Variants in RBFOX1 observed in about 807,000 individuals in gnomAD.
RBFOX1 encodes the protein RNA binding fox-1 homolog 1.
In RBFOX1, 8 loss-of-function variants were observed where a neutral mutation model predicts 57.7. The ratio of observed to expected loss-of-function variants is 0.14; its 90% confidence interval spans 0.08 to 0.25. The LOEUF is 0.25. Among genes scored for constraint, RBFOX1 ranks in the 10% least tolerant of loss-of-function variants. The pLI is 1.00. For synonymous variants in RBFOX1, 326 were observed against 222.4 expected (o/e 1.47, Z -4.15); for missense variants, 611 against 548.5 (o/e 1.11, Z -1.14).
intron 2 of RBFOX1, among the ~76,000 whole-genome samples, chr16:5,547,666 T>A (rs1231849082): frequency 6.6e-6 from 1 of 152,086 alleles, no homozygotes; most frequent in Non-Finnish European, 1.5e-5. Flanking sequence ...AACGGTGCCT[T>A]GAGTGAAGAA....
At chr16:6,614,234 A>C (rs2098112584) in intron 2 of RBFOX1, among the ~76,000 whole-genome samples, 2 of 152,162 alleles carry the variant, frequency 1.3e-5, no homozygotes, top group African/African-American at 4.8e-5. Context: ...GCCTGCTGCA[A>C]GTAAGGATGT....
At chr16:6,599,642 C>A (rs1374694434) in intron 2 of RBFOX1, among the ~76,000 whole-genome samples, 1 of 152,146 alleles carries the variant, frequency 6.6e-6, no homozygotes, top group African/African-American at 2.4e-5. Context: ...ACTAGTGACA[C>A]TAATACTATT....
intron 5 of RBFOX1, among the ~76,000 whole-genome samples, chr16:7,577,656 G>C (rs1195096380): frequency 6.6e-6 from 1 of 151,934 alleles, no homozygotes. Context: ...CCAGTGCTTT[G>C]GGAGGCAGAG....
chr16:7,088,405 G>C (rs895058245), intron 4 of RBFOX1, among the ~76,000 whole-genome samples: 9 of 152,078 alleles, frequency 5.9e-5, no homozygotes, highest in Non-Finnish European at 8.8e-5. Context: ...GGAGAGTAGC[G>C]TCTTTCATTT....
At chr16:6,998,121 G>A (rs1348364078) in intron 3 of RBFOX1, among the ~76,000 whole-genome samples, 1 of 151,964 alleles carries the variant, frequency 6.6e-6, no homozygotes, top group African/African-American at 2.4e-5. Flanking sequence ...AGCATATGTA[G>A]TATATAATTA....
intron 3 of RBFOX1, among the ~76,000 whole-genome samples, chr16:6,748,198 C>G (rs1195937299): frequency 6.6e-6 from 1 of 151,934 alleles, no homozygotes; most frequent in South Asian, 2.1e-4. Flanking sequence ...AATTGGATAT[C>G]CTTATGGGTT....
intron 3 of RBFOX1, among the ~76,000 whole-genome samples, chr16:6,976,684 A>G (rs936885261): frequency 2.0e-5 from 3 of 149,174 alleles, no homozygotes; most frequent in African/African-American, 4.9e-5. Context: ...CATATATATC[A>G]TACCTATAGC....
chr16:5,525,491 A>ATTTTTTT lies in RBFOX1; in HGVS notation c.258+58255_258+58261dup, dbSNP rs71404528. 1.2e-3 allele frequency among the ~76,000 whole-genome samples: 97 copies of ATTTTTTT among 78,270 alleles called. 3 individuals carry two copies. Among genetic ancestry groups the ATTTTTTT allele is most frequent in the African/African-American group, 3.0e-3 (56 of 18,372 alleles). The allele number at this position is 78,270 out of a possible 152,430, so 51.3% of individuals were successfully genotyped here. The stretch of plus-strand genomic sequence containing the variant: ...ATAGGCTGGCTCTAGAGCCGACACT[A>ATTTTTTT]TTTTTTTTTTTTTTTTTTTTTTTTG... On this transcript the variant is annotated intron_variant, in intron 2 of 2. Coordinates refer to the RBFOX1 transcript ENST00000585867.
At chr16:5,928,964 G>A (rs995131832) in intron 4 of RBFOX1, among the ~76,000 whole-genome samples, 2 of 151,688 alleles carry the variant, frequency 1.3e-5, no homozygotes, top group African/African-American at 4.8e-5. Flanking sequence ...TCAAAAGGAG[G>A]GGTTGCAGAT....
intron 2 of RBFOX1, among the ~76,000 whole-genome samples, chr16:5,556,061 A>G (rs2045663558): frequency 6.6e-6 from 1 of 152,146 alleles, no homozygotes; most frequent in Non-Finnish European, 1.5e-5. Context: ...AAACAACGAC[A>G]CCAAAAAACA....
intron 2 of RBFOX1, among the ~76,000 whole-genome samples, chr16:6,548,878 C>T (rs905671059): frequency 8.6e-5 from 13 of 151,652 alleles, no homozygotes; most frequent in African/African-American, 3.1e-4. Context: ...GAGTTGGAGA[C>T]CAGCCTGGCC....
At chr16:5,758,907 C>T (rs1001523393) in intron 3 of RBFOX1, among the ~76,000 whole-genome samples, 2 of 152,160 alleles carry the variant, frequency 1.3e-5, no homozygotes, top group Non-Finnish European at 2.9e-5. Flanking sequence ...CTTGACTCCA[C>T]TTACCTCTTG....
At chr16:6,969,152 C>T (rs564943722) in intron 3 of RBFOX1, among the ~76,000 whole-genome samples, 3 of 152,272 alleles carry the variant, frequency 2.0e-5, no homozygotes, top group South Asian at 2.1e-4. Context: ...TTTTAGCTGT[C>T]TGTCCCCAAA....
At chr16:7,407,669 TA>T (rs2098369076) in intron 4 of RBFOX1, among the ~76,000 whole-genome samples, 1 of 152,172 alleles carries the variant, frequency 6.6e-6, no homozygotes, top group African/African-American at 2.4e-5. Flanking sequence ...CCTATTATCT[TA>T]ATTGCCGTTA....
intron 1 of RBFOX1, among the ~76,000 whole-genome samples, chr16:6,308,747 C>G (rs551172910): frequency 6.6e-6 from 1 of 152,152 alleles, no homozygotes; most frequent in African/African-American, 2.4e-5. Context: ...GACCAGGTAT[C>G]AGGAGTTGTG....
chr16:6,653,618 T>C (rs115067093), intron 2 of RBFOX1, among the ~76,000 whole-genome samples: 2 of 152,000 alleles, frequency 1.3e-5, no homozygotes, highest in Non-Finnish European at 2.9e-5. Context: ...GAATGGTAGA[T>C]GGATGGGTGG....
At chr16:6,796,694 G>C (rs1460669820) in intron 3 of RBFOX1, among the ~76,000 whole-genome samples, 2 of 152,100 alleles carry the variant, frequency 1.3e-5, no homozygotes, top group African/African-American at 2.4e-5. Flanking sequence ...ATTGGTAAGA[G>C]ATTCTTTTTT....
At chr16:6,908,266 C>T (rs149092649) in intron 3 of RBFOX1, among the ~76,000 whole-genome samples, 56 of 151,856 alleles carry the variant, frequency 3.7e-4, no homozygotes, top group African/African-American at 1.0e-3. Context: ...TTTCGGGTGT[C>T]CTCTCCTGCG....
At chr16:7,024,384 T>G (rs2040255505) in intron 3 of RBFOX1, among the ~76,000 whole-genome samples, 1 of 152,144 alleles carries the variant, frequency 6.6e-6, no homozygotes, top group African/African-American at 2.4e-5. Flanking sequence ...CAATGAAGCT[T>G]GATGCCTAAA....
Sources: allele counts gnomAD v4.1 joint callset (sites outside exome capture counted in the v4.1 genomes callset), GRCh38; gene constraint gnomAD v4.1.1; transcripts MANE v1.5; gene names NCBI Gene and HGNC (gene_info 2026-07-23, HGNC 2026-07-21).